The following CDH18 variants were observed in gnomAD, a reference collection of about 807,000 sequenced individuals.
The protein encoded by CDH18 is cadherin-18.
A neutral mutation model predicts 67.9 loss-of-function variants in CDH18; 31 were observed. The ratio of observed to expected loss-of-function variants is 0.46; its 90% CI spans 0.34 to 0.62. CDH18 has a LOEUF of 0.62. Ranked by LOEUF, CDH18 falls within the 20% of genes least tolerant of loss-of-function variation. CDH18 has a pLI of 0.01. For synonymous variants in CDH18, 362 were observed against 347.2 expected (o/e 1.04, Z -0.48); for missense variants, 890 against 975.5 (o/e 0.91, Z 1.17).
chr5:20,054,904 C>T (rs1741767237), intron 2 of CDH18, among the ~76,000 whole-genome samples: 1 of 150,604 alleles, frequency 6.6e-6, no homozygotes, highest in Admixed American at 6.6e-5. Flanking sequence ...ACAAATGTGA[C>T]TATCTAAGAC....
intron 2 of CDH18, among the ~76,000 whole-genome samples, chr5:20,144,119 G>A (rs1750456101): frequency 6.6e-6 from 1 of 152,086 alleles, no homozygotes; most frequent in Admixed American, 6.6e-5. Flanking sequence ...ATCAGTGAAG[G>A]AAAAATGACT....
chr5:19,596,268 T>C (rs1746146856), intron 6 of CDH18, among the ~76,000 whole-genome samples: 1 of 152,224 alleles, frequency 6.6e-6, no homozygotes, highest in East Asian at 1.9e-4. Context: ...AGAGAAGCCA[T>C]GTGATTTGCA....
At chr5:19,601,201 A>T (rs1159975978) in intron 6 of CDH18, among the ~76,000 whole-genome samples, 1 of 152,188 alleles carries the variant, frequency 6.6e-6, no homozygotes, top group Non-Finnish European at 1.5e-5. Context: ...TCTCTCTAGA[A>T]AAAGATCAAC....
chr5:19,945,974 G>A (rs933942783), intron 2 of CDH18, among the ~76,000 whole-genome samples: 52 of 151,924 alleles, frequency 3.4e-4, no homozygotes, highest in African/African-American at 1.2e-3. Flanking sequence ...TTTGCTGCAC[G>A]CTCCACCAAA....
intron 5 of CDH18, among the ~76,000 whole-genome samples, chr5:19,616,233 T>C (rs1019873962): frequency 6.6e-6 from 1 of 151,796 alleles, no homozygotes; most frequent in African/African-American, 2.4e-5. Flanking sequence ...AATAGCTGTC[T>C]TTTTTTTAAC....
intron 1 of CDH18, chr5:20,305,045 C>A (rs1213300686): frequency 6.2e-7 from 1 of 1,606,340 alleles, no homozygotes; most frequent in African/African-American, 1.3e-5. Flanking sequence ...TGCTGACTGT[C>A]CCCATTAGTT....
At chr5:20,400,546 A>C (rs1006168247) in intron 1 of CDH18, among the ~76,000 whole-genome samples, 1 of 151,286 alleles carries the variant, frequency 6.6e-6, no homozygotes, top group African/African-American at 2.4e-5. Context: ...GGATCACTTG[A>C]GGCCGGGAGA....
intron 2 of CDH18, among the ~76,000 whole-genome samples, chr5:19,961,808 T>A (rs1201857356): frequency 1.3e-5 from 2 of 152,114 alleles, no homozygotes; most frequent in African/African-American, 4.8e-5. Flanking sequence ...AAAGGCTTTT[T>A]TAAGTTTTTA....
rs186097409 is a variant in CDH18 at position 19,901,655 on chromosome 5, A to G, written c.-256-62413T>C. On this transcript the variant is annotated intron_variant, in intron 2 of 12. Coordinates refer to ENST00000382275, the MANE Select transcript of CDH18 (RefSeq NM_004934.5). ...ATAGGCATTAAAATATCTATGAACC[A>G]TAAAGTTGGAATATATTTCCTGATA... is the stretch of plus-strand genomic sequence containing the variant. 1.8e-3 allele frequency among the ~76,000 whole-genome samples: 272 copies of G among 152,208 alleles called. 1 individual carries two copies. The highest frequency in any genetic ancestry group is 6.3e-3 in the African/African-American group (261 of 41,586).
rs558559200 is a variant in CDH18, at chr5:19,897,048, C to T, written c.-256-57806G>A. Among the ~76,000 whole-genome samples, 9 of 151,896 alleles carry T rather than the reference C, an allele frequency of 5.9e-5. No homozygotes were observed. The South Asian group carries it at 8.3e-4, about 14-fold the overall frequency. ...TTGCAAAGATATCTTAAAAACAATG[C>T]AGAAAAGCATATTAATCATAAGGAA... On this transcript the variant is annotated intron_variant, in intron 2 of 12. Transcript: ENST00000382275.
At chr5:20,230,709 T>G (rs1055087905) in intron 2 of CDH18, among the ~76,000 whole-genome samples, 1 of 152,140 alleles carries the variant, frequency 6.6e-6, no homozygotes, top group Admixed American at 6.5e-5. Context: ...ACCTCACCCT[T>G]CAAGTTTATT....
At chr5:20,030,517 T>C (rs1739303922) in intron 2 of CDH18, among the ~76,000 whole-genome samples, 1 of 152,112 alleles carries the variant, frequency 6.6e-6, no homozygotes, top group South Asian at 2.1e-4. Context: ...TCTGTATATA[T>C]GAAAGATAAG....
At chr5:20,388,397 T>G (rs1012301860) in intron 1 of CDH18, among the ~76,000 whole-genome samples, 6 of 151,442 alleles carry the variant, frequency 4.0e-5, no homozygotes, top group Non-Finnish European at 8.8e-5. Context: ...TGTATTTCTA[T>G]GGGATCGGTG....
chr5:19,856,586 T>C (rs1331114167), intron 2 of CDH18, among the ~76,000 whole-genome samples: 1 of 152,042 alleles, frequency 6.6e-6, no homozygotes, highest in Non-Finnish European at 1.5e-5. Flanking sequence ...TGAACGGGTT[T>C]AAAAATAAAG....
chr5:20,395,584 T>A (rs1276836160), intron 1 of CDH18, among the ~76,000 whole-genome samples: 2 of 152,214 alleles, frequency 1.3e-5, no homozygotes, highest in African/African-American at 4.8e-5. Flanking sequence ...CTAAAGCTAC[T>A]GATGGAAATA....
At chr5:19,560,312 T>C (rs1169550682) in intron 8 of CDH18, among the ~76,000 whole-genome samples, 3 of 151,862 alleles carry the variant, frequency 2.0e-5, no homozygotes, top group African/African-American at 4.8e-5. Flanking sequence ...GTATAAAAAA[T>C]AGGCACATAG....
chr5:20,282,248 A>G (rs912890996), intron 1 of CDH18, among the ~76,000 whole-genome samples: 2 of 152,084 alleles, frequency 1.3e-5, no homozygotes, highest in African/African-American at 4.8e-5. Context: ...TTCCAACACT[A>G]TGTTGAATAG....
chr5:19,858,999 T>C (rs1342339196), intron 2 of CDH18, among the ~76,000 whole-genome samples: 3 of 152,170 alleles, frequency 2.0e-5, no homozygotes, highest in Non-Finnish European at 2.9e-5. Flanking sequence ...ATATTAATTA[T>C]GTATAAAAAG....
chr5:20,204,400 C>T (rs1739711755), intron 2 of CDH18, among the ~76,000 whole-genome samples: 1 of 151,760 alleles, frequency 6.6e-6, no homozygotes, highest in Non-Finnish European at 1.5e-5. Context: ...TTCAGCAATT[C>T]TGTCCTTCAA....
Sources: allele counts gnomAD v4.1 joint callset (sites outside exome capture counted in the v4.1 genomes callset), GRCh38; gene constraint gnomAD v4.1.1; transcripts MANE v1.5; gene names NCBI Gene and HGNC (gene_info 2026-07-23, HGNC 2026-07-21).